Variants in SLC2A5 observed in about 807,000 individuals in gnomAD.
SLC2A5 encodes solute carrier family 2, facilitated glucose transporter member 5.
A neutral mutation model predicts 50.3 loss-of-function variants in SLC2A5; 56 were observed. The ratio of observed to expected loss-of-function variants is 1.11; its 90% CI spans 0.90 to 1.39. The LOEUF (loss-of-function observed/expected upper bound fraction) is 1.39, where lower values mean the gene tolerates loss of function less well. Among genes scored for constraint, SLC2A5 ranks in the 40% most tolerant of loss-of-function variants. The pLI is 0.00. For synonymous variants in SLC2A5, 269 were observed against 281.9 expected, an observed-to-expected ratio of 0.95 and a Z score of 0.46; for missense variants, 566 against 650.1, an observed-to-expected ratio of 0.87 and a Z score of 1.41.
chr1:9,047,008 A>G (rs1012724607), intron 4 of SLC2A5, among the ~76,000 whole-genome samples: 3 of 151,994 alleles, frequency 2.0e-5, no homozygotes, highest in African/African-American at 7.3e-5. Flanking sequence ...GCCTGCTGCC[A>G]TGTAAGACAG....
At chr1:9,091,281 A>G (rs1642459320), upstream of SLC2A5, among the ~76,000 whole-genome samples, 3 of 152,138 alleles carry the variant, frequency 2.0e-5, no homozygotes, top group South Asian at 2.1e-4. Context: ...CAAATCCGCT[A>G]AGACCTTTTC....
intron 3 of SLC2A5, among the ~76,000 whole-genome samples, chr1:9,054,146 C>T (rs1275369338): frequency 6.6e-6 from 1 of 152,022 alleles, no homozygotes; most frequent in Non-Finnish European, 1.5e-5. Flanking sequence ...GGAGGAACTT[C>T]ATGGAGAAAA....
intron 3 of SLC2A5, among the ~76,000 whole-genome samples, chr1:9,051,161 C>A (rs1641563448): frequency 1.5e-5 from 2 of 133,426 alleles, no homozygotes; most frequent in Admixed American, 7.9e-5. Context: ...TAATAAATCA[C>A]AATAAAGCTT....
intron 4 of SLC2A5, among the ~76,000 whole-genome samples, chr1:9,044,142 A>C (rs1253680215): frequency 1.3e-5 from 2 of 151,730 alleles, no homozygotes; most frequent in Non-Finnish European, 2.9e-5. Context: ...CAGCCTAGCC[A>C]ACATGGTGAA....
intron 3 of SLC2A5, among the ~76,000 whole-genome samples, chr1:9,056,450 G>GT (rs201684672): frequency 0.023 from 3,433 of 152,224 alleles, 64 homozygotes; most frequent in Middle Eastern, 0.048. Flanking sequence ...CACCCAAAGT[G>GT]TTGGGATTAC....
chr1:9,048,520 A>C (rs1213033005), intron 3 of SLC2A5, among the ~76,000 whole-genome samples: 3 of 152,168 alleles, frequency 2.0e-5, no homozygotes, highest in African/African-American at 7.2e-5. Flanking sequence ...TCAAAAAATA[A>C]ATAAATAAAT....
chr1:9,043,218 G>C (rs1453871417), intron 4 of SLC2A5, among the ~76,000 whole-genome samples: 1 of 152,146 alleles, frequency 6.6e-6, no homozygotes, highest in East Asian at 1.9e-4. Flanking sequence ...ACAGAGTTTG[G>C]AGTGAGCAGA....
chr1:9,058,315 C>T lies in SLC2A5; in HGVS notation c.34-65G>A, dbSNP rs1014779698. On this transcript the variant is annotated intron_variant, in intron 1 of 11. Coordinates refer to ENST00000377424, the MANE Select transcript of SLC2A5 (RefSeq NM_003039.3). ...GTTCCAGGGCCCTCCCGCTTTACTT[C>T]GGTTTCGTAGAAAGATGTAACAGAA... 2.2e-5 allele frequency: 24 copies of T among 1,096,292 alleles called. No individual in the cohort carries two copies. The Admixed American group carries it at 2.7e-4, about 12-fold the overall frequency. The allele number at this position is 1,096,292 out of a possible 1,614,324, so 67.9% of individuals were successfully genotyped here.
At chr1:9,049,343 T>G in intron 3 of SLC2A5, 1 of 371,570 alleles carries the variant, frequency 2.7e-6, no homozygotes, top group Non-Finnish European at 5.4e-6. Context: ...GGAATCCAAA[T>G]AGTACTGTAT....
chr1:9,082,746 C>A, intron 2 of SLC2A5: 2 of 385,394 alleles, frequency 5.2e-6, no homozygotes, highest in South Asian at 2.0e-5. Context: ...GTTGTGGGTG[C>A]AATCTTGCAC....
At chr1:9,071,038 T>C (rs1642201681), upstream of SLC2A5, among the ~76,000 whole-genome samples, 1 of 152,104 alleles carries the variant, frequency 6.6e-6, no homozygotes, top group African/African-American at 2.4e-5. Context: ...AAATGCACTT[T>C]AATTGCAGGG....
intron 2 of SLC2A5, among the ~76,000 whole-genome samples, chr1:9,083,654 C>T (rs1642375597): frequency 6.6e-6 from 1 of 152,046 alleles, no homozygotes; most frequent in African/African-American, 2.4e-5. Context: ...GAAACCCCAT[C>T]TCTGCTAATA....
upstream of SLC2A5, among the ~76,000 whole-genome samples, chr1:9,089,648 G>A (rs1271295567): frequency 6.6e-6 from 1 of 152,232 alleles, no homozygotes; most frequent in African/African-American, 2.4e-5. Context: ...CTCTCTGGGA[G>A]TCTGTTTCTG....
rs369765141 is a variant in SLC2A5, at chr1:9,037,879, G to T, written c.1302+18C>A. On this transcript the variant is annotated intron_variant, in intron 11 of 11. Coordinates refer to ENST00000377424, the MANE Select transcript of SLC2A5 (RefSeq NM_003039.3). The stretch of plus-strand genomic sequence containing the variant: ...CATGGGGATCTGGTGGTGAGCGTGG[G>T]CCCCGGGCCCCACTCACCTGGATGA... 1 of 1,613,486 alleles carries T rather than the reference G, an allele frequency of 6.2e-7. No individual in the cohort carries two copies. Among genetic ancestry groups the T allele is most frequent in the African/African-American group, 1.3e-5 (1 of 75,024 alleles).
intron 2 of SLC2A5, among the ~76,000 whole-genome samples, chr1:9,076,883 G>A (rs1642289437): frequency 6.6e-6 from 1 of 151,278 alleles, no homozygotes; most frequent in African/African-American, 2.4e-5. Context: ...TCCGTCTCCC[G>A]GGTTCAAGCG....
rs951973353 is a variant in SLC2A5 at position 9,037,492 on chromosome 1, T to C, written c.*94A>G. ...ACTGCATTCCACATCAGAGTTGTTT[T>C]ATTTCTGGATATTCACAGACAGCTA... On this transcript the variant is annotated 3_prime_UTR_variant, in exon 12 of 12. Transcript: ENST00000377424. 2 of 1,063,780 alleles carry C rather than the reference T, an allele frequency of 1.9e-6. No individual in the cohort carries two copies. Among genetic ancestry groups the C allele is most frequent in the Non-Finnish European group, 2.9e-6 (2 of 698,242 alleles). The allele number at this position is 1,063,780 out of a possible 1,614,324, so 65.9% of individuals were successfully genotyped here.
At chr1:9,047,072 G>T (rs1370296943) in intron 4 of SLC2A5, among the ~76,000 whole-genome samples, 1 of 152,114 alleles carries the variant, frequency 6.6e-6, no homozygotes, top group Non-Finnish European at 1.5e-5. Context: ...CTCCAGCCAT[G>T]GGGAACTGTA....
At position 9,040,149 on chromosome 1, in the gene SLC2A5, C is replaced by A; in HGVS notation, c.612G>T (p.Ala204=). 6.4e-7 allele frequency: 1 copy of A among 1,570,672 alleles called. No individual in the cohort carries two copies. Among genetic ancestry groups the A allele is most frequent in the Non-Finnish European group, 8.6e-7 (1 of 1,158,798 alleles). ...AGAAGGGCAGCAGAAGGAGCTGCAGCGCCGCGGGGACCCCGGTCAGCCCCA... is the reference window on the plus strand; with the variant it reads ...AGAAGGGCAGCAGAAGGAGCTGCAGAGCCGCGGGGACCCCGGTCAGCCCCA... ...ILLGLTGVPA[A]LQLLLLPFFP... Residue 204 remains alanine, a synonymous_variant, in exon 6 of 12, where the codon GCG becomes GCT. Coordinates refer to ENST00000377424, the MANE Select transcript of SLC2A5 (RefSeq NM_003039.3). This position sits in a 1 kb window ranked among gnomAD's most constrained non-coding sequence, Gnocchi z 4.3.
At chr1:9,091,563 C>G (rs1642462958), upstream of SLC2A5, among the ~76,000 whole-genome samples, 1 of 152,178 alleles carries the variant, frequency 6.6e-6, no homozygotes, top group Non-Finnish European at 1.5e-5. Context: ...TGTGCAAGCC[C>G]TATATTCAAC....
Sources: gnomAD v4.1 joint callset for allele counts (sites outside exome capture counted in the v4.1 genomes callset) on GRCh38, gnomAD v4.1.1 for gene constraint, Gnocchi (gnomAD v3.1) non-coding constraint, MANE v1.5 for transcripts, NCBI Gene and HGNC (gene_info 2026-07-23, HGNC 2026-07-21) for gene names.